The following WDR20 variants were observed in gnomAD, a reference collection of about 807,000 sequenced individuals.
The protein encoded by WDR20 is WD repeat-containing protein 20.
In WDR20, 3 loss-of-function variants were observed where a neutral mutation model predicts 38.7. The observed-to-expected ratio is 0.08, with a 90% CI of 0.04 to 0.20. WDR20 has a LOEUF of 0.20. Among genes scored for constraint, WDR20 ranks in the 10% least tolerant of loss-of-function variants. WDR20 has a pLI of 1.00. For missense variants in WDR20, 559 were observed against 727.7 expected (o/e 0.77, Z 2.67); for synonymous variants, 298 against 285.6 (o/e 1.04, Z -0.44).
upstream of WDR20, chr14:102,139,793 A>G (rs889948345): frequency 2.9e-6 from 4 of 1,380,716 alleles, no homozygotes; most frequent in African/African-American, 5.8e-5. Context: ...CCGCCCTCGC[A>G]GGGCTGGCCC....
intron 1 of WDR20, among the ~76,000 whole-genome samples, chr14:102,172,896 G>A (rs1275862720): frequency 7.0e-6 from 1 of 142,132 alleles, no homozygotes; most frequent in African/African-American, 2.5e-5. Context: ...TTCTCAGATG[G>A]GGCGGCTGGG....
chr14:102,182,988 C>T (rs1476895451), intron 1 of WDR20, among the ~76,000 whole-genome samples: 1 of 151,860 alleles, frequency 6.6e-6, no homozygotes, highest in East Asian at 1.9e-4. Flanking sequence ...CACATGAACC[C>T]AGGAGGTGGA....
intron 1 of WDR20, among the ~76,000 whole-genome samples, chr14:102,185,378 T>C (rs1372114382): frequency 1.3e-5 from 2 of 152,084 alleles, no homozygotes. Flanking sequence ...AAGGCTGGAA[T>C]ATTTGAGTCC....
At chr14:102,198,545 A>G (rs1253446940) in intron 2 of WDR20, 3 of 155,396 alleles carry the variant, frequency 1.9e-5, no homozygotes, top group Non-Finnish European at 2.9e-5. Flanking sequence ...CTTTCCTGCA[A>G]AAGGAATAGC....
chr14:102,213,999 T>G (rs2062886973), downstream of WDR20: 10 of 985,334 alleles, frequency 1.0e-5, no homozygotes, highest in Non-Finnish European at 1.2e-5. Context: ...GGTGAGGGCA[T>G]GGCGGGGGAT....
chr14:102,208,860 A>G lies in WDR20; in HGVS notation c.690A>G (p.Pro230=). The change falls in exon 3 of 3, where the codon CCA becomes CCG. Residue 230 remains proline, a synonymous_variant. Coordinates refer to ENST00000342702, the MANE Select transcript of WDR20 (RefSeq NM_144574.4). This position sits in a 1 kb window ranked among gnomAD's most constrained non-coding sequence, Gnocchi z 5.6. ...CCCTCAACGAGTTTGCTTTCTCCCC[A>G]GATGGCAAGTTCTTAGCGTGCGTGA... ...EGALNEFAFS[P]DGKFLACVSQ... 1.9e-6 allele frequency: 3 copies of G among 1,614,256 alleles called. No homozygotes were observed. The highest frequency in any genetic ancestry group is 1.1e-5 in the South Asian group (1 of 91,088).
At chr14:102,150,617 A>G (rs915115829) in intron 1 of WDR20, among the ~76,000 whole-genome samples, 4 of 152,150 alleles carry the variant, frequency 2.6e-5, no homozygotes, top group Non-Finnish European at 2.9e-5. Context: ...TTGTTCTGCT[A>G]CAGTAAAACT....
At chr14:102,156,364 T>G (rs138244568) in intron 1 of WDR20, among the ~76,000 whole-genome samples, 1,675 of 151,714 alleles carry the variant, frequency 0.011, 38 homozygotes, top group African/African-American at 0.038. Flanking sequence ...GAGATGGGGT[T>G]TCGCCGTGTT....
At chr14:102,165,426 G>A (rs1344574464) in intron 1 of WDR20, among the ~76,000 whole-genome samples, 3 of 151,844 alleles carry the variant, frequency 2.0e-5, no homozygotes, top group Non-Finnish European at 4.4e-5. Flanking sequence ...CCTTTCTTTA[G>A]GTTTACTCTG....
At chr14:102,202,572 G>C (rs1268213748) in intron 2 of WDR20, among the ~76,000 whole-genome samples, 1 of 151,768 alleles carries the variant, frequency 6.6e-6, no homozygotes, top group Non-Finnish European at 1.5e-5. Context: ...AGTAGAGACA[G>C]GGTTTCACCA....
At chr14:102,195,515 G>A (rs118103417) in intron 2 of WDR20, among the ~76,000 whole-genome samples, 2,345 of 152,344 alleles carry the variant, frequency 0.015, 48 homozygotes, top group South Asian at 0.097. Flanking sequence ...TGCTTAAATT[G>A]TAGCCAAAGC....
downstream of WDR20, among the ~76,000 whole-genome samples, chr14:102,224,256 G>A (rs543243097): frequency 4.7e-4 from 72 of 152,026 alleles, no homozygotes; most frequent in Admixed American, 1.1e-3. Flanking sequence ...TAGCCAGGAT[G>A]GTCTCGATCT....
chr14:102,157,544 C>A lies in WDR20; in HGVS notation c.249+17372C>A, dbSNP rs182556657. Among the ~76,000 whole-genome samples the A allele has an allele frequency of 7.1e-4, 108 of 152,274 alleles. 1 individual carries two copies. Among genetic ancestry groups the A allele is most frequent in the African/African-American group, 2.6e-3 (108 of 41,514 alleles). On this transcript the variant is annotated intron_variant, in intron 1 of 2. Transcript: ENST00000342702. Reference sequence around the variant, plus strand: ...GCTGCCCTAACTAGAGGGCAGAATACAAGAACCACTCCACAAGGTGGACTC... The same window carrying A: ...GCTGCCCTAACTAGAGGGCAGAATAAAAGAACCACTCCACAAGGTGGACTC...
chr14:102,145,827 C>T (rs1202165858), intron 1 of WDR20, among the ~76,000 whole-genome samples: 2 of 152,036 alleles, frequency 1.3e-5, no homozygotes, highest in African/African-American at 2.4e-5. Flanking sequence ...ACTTAACATT[C>T]AAGCCAAAGA....
intron 1 of WDR20, among the ~76,000 whole-genome samples, chr14:102,193,145 T>C (rs1453397405): frequency 2.0e-5 from 3 of 151,950 alleles, no homozygotes; most frequent in African/African-American, 7.2e-5. Context: ...GTTTTTTTTT[T>C]TGTGGCTGTC....
chr14:102,145,015 A>G lies in WDR20; in HGVS notation c.249+4843A>G, dbSNP rs1161284785. 2.6e-5 allele frequency among the ~76,000 whole-genome samples: 4 copies of G among 152,156 alleles called. No individual in the cohort carries two copies. In the East Asian group the frequency reaches 5.8e-4, roughly 22 times the overall value. ...AGAGCATCTTGTGCTTTGCCTTCCT[A>G]GCACTTTTCTGAATTTGTAATTCTG... is the stretch of plus-strand genomic sequence containing the variant. On this transcript the variant is annotated intron_variant, in intron 1 of 2. Transcript: ENST00000342702.
At chr14:102,163,553 A>G (rs1009566488) in intron 1 of WDR20, among the ~76,000 whole-genome samples, 1 of 138,036 alleles carries the variant, frequency 7.2e-6, no homozygotes, top group Admixed American at 8.4e-5. Context: ...GCTGGAACCC[A>G]GTGGGCAGAG....
rs2063881248 is a variant in WDR20 at position 102,221,409 on chromosome 14, GCTTC to G, written c.1693-1414_1693-1411del. The stretch of plus-strand genomic sequence containing the variant: ...GAAGGCAGAGTGTCCTGTGTGAGAG[GCTTC>G]CTTCCTCCAGACTGTCTGCGGCAGA... On this transcript the variant is annotated intron_variant, in intron 3 of 3. Transcript: ENST00000335263. The surrounding 1 kb of genome is among the most constrained non-coding windows in gnomAD (Gnocchi z 4.8). 6.6e-6 allele frequency among the ~76,000 whole-genome samples: 1 copy of G among 152,190 alleles called. No individual in the cohort carries two copies. Among genetic ancestry groups the G allele is most frequent in the Admixed American group, 6.5e-5 (1 of 15,274 alleles).
chr14:102,188,742 C>T (rs192682115), intron 1 of WDR20, among the ~76,000 whole-genome samples: 241 of 151,638 alleles, frequency 1.6e-3, no homozygotes, highest in Admixed American at 0.011. Flanking sequence ...GGCATGGTGG[C>T]ACGCATCTGT....
Sources: gnomAD v4.1 joint callset for allele counts (sites outside exome capture counted in the v4.1 genomes callset) on GRCh38, gnomAD v4.1.1 for gene constraint, Gnocchi (gnomAD v3.1) non-coding constraint, MANE v1.5 for transcripts, NCBI Gene and HGNC (gene_info 2026-07-23, HGNC 2026-07-21) for gene names.